GTF3C2: variants seen among roughly 807,000 people sequenced by gnomAD.
GTF3C2 encodes general transcription factor 3C polypeptide 2.
GTF3C2 carries 17 observed loss-of-function variants against 117.4 expected under a neutral mutation model. That is an observed-to-expected ratio of 0.14 (90% CI 0.10 to 0.22). GTF3C2 has a LOEUF of 0.22. Among genes scored for constraint, GTF3C2 ranks in the 10% least tolerant of loss-of-function variants. GTF3C2 has a pLI of 1.00. For synonymous variants in GTF3C2, 437 were observed against 427.0 expected (o/e 1.02, Z -0.29); for missense variants, 888 against 1,143.6 (o/e 0.78, Z 3.22).
chr2:27,339,499 T>G (rs558735927), intron 4 of GTF3C2: 40 of 152,024 alleles, frequency 2.6e-4, no homozygotes, highest in African/African-American at 8.7e-4. Flanking sequence ...GAACGAAATA[T>G]CCATGATTTG....
At chr2:27,347,988 G>T (rs1001952544) in intron 1 of GTF3C2, among the ~76,000 whole-genome samples, 1 of 152,038 alleles carries the variant, frequency 6.6e-6, no homozygotes, top group Non-Finnish European at 1.5e-5. Context: ...TACCAAAACA[G>T]GGCCAGGTGC....
chr2:27,341,866 G>T, intron 4 of GTF3C2, 82 bp downstream of exon 4: 1 of 1,204,900 alleles, frequency 8.3e-7, no homozygotes, highest in Non-Finnish European at 1.2e-6. Context: ...CCAGGTCAAA[G>T]CTGTCCTTCC....
chr2:27,326,638 G>T, exon 19 of GTF3C2: 1 of 1,504,308 alleles, frequency 6.6e-7, no homozygotes, highest in Non-Finnish European at 9.2e-7. Context: ...ATTTGTTCTT[G>T]ACCGACTTCA....
At chr2:27,336,819 A>G in intron 7 of GTF3C2, 1 of 220,308 alleles carries the variant, frequency 4.5e-6, no homozygotes, top group Admixed American at 5.2e-5. Flanking sequence ...TATGTTTCCT[A>G]GGCTGGTCTT....
At chr2:27,336,322 C>T (rs780619173) in exon 8 of GTF3C2, 13 of 1,613,492 alleles carry the variant, frequency 8.1e-6, no homozygotes, top group Non-Finnish European at 8.5e-6. Context: ...TATTGCGAGG[C>T]TCCTGCCCCC....
intron 1 of GTF3C2, among the ~76,000 whole-genome samples, chr2:27,351,872 C>G (rs985208930): frequency 2.0e-5 from 3 of 151,988 alleles, no homozygotes; most frequent in Non-Finnish European, 4.4e-5. Context: ...CAGTCCCACA[C>G]GCCCCCCATC....
At chr2:27,325,881 G>C (rs919663371) in exon 19 of GTF3C2, 2 of 177,308 alleles carry the variant, frequency 1.1e-5, no homozygotes, top group African/African-American at 4.8e-5. Context: ...ATTTAATCTA[G>C]AGAAGATTTG....
chr2:27,337,883 A>G (rs1447709719), intron 5 of GTF3C2, 43 bp downstream of exon 5: 6 of 1,151,944 alleles, frequency 5.2e-6, no homozygotes, highest in Non-Finnish European at 6.6e-6. Context: ...GCACTCCTCT[A>G]CCACCCCTTT....
rs148295674 is a variant in GTF3C2, at chr2:27,342,721, C to T, written c.569+105G>A. 1.2e-5 allele frequency: 10 copies of T among 822,524 alleles called. No individual in the cohort carries two copies. In the South Asian group the frequency reaches 1.5e-4, roughly 12 times the overall value. The allele number at this position is 822,524 out of a possible 1,614,324, so 51.0% of individuals were successfully genotyped here. ...TCAAGTCCCTAGAATCCAGACACCA[C>T]CCCTGCTTACCTAATACCTCATCAG... On this transcript the variant is annotated intron_variant, in intron 3 of 18. Coordinates refer to ENST00000264720, the Ensembl canonical transcript of GTF3C2.
In GTF3C2 at chr2:27,337,564, GA is replaced by G; in HGVS notation, c.951-7del. On this transcript the variant is annotated splice_polypyrimidine_tract_variant and splice_region_variant and intron_variant, in intron 5 of 18. Coordinates refer to ENST00000264720, the Ensembl canonical transcript of GTF3C2. ...ATGAATGTTTCTGCTCTCGGCTGGA[GA>G]AACAGAAGAAGCATTAATGAAGGAG... 6.3e-7 allele frequency: 1 copy of G among 1,587,294 alleles called. No homozygotes were observed. Among genetic ancestry groups the G allele is most frequent in the Non-Finnish European group, 8.7e-7 (1 of 1,155,670 alleles).
intron 12 of GTF3C2, among the ~76,000 whole-genome samples, chr2:27,330,248 A>C (rs1279120822): frequency 2.6e-5 from 4 of 151,944 alleles, no homozygotes; most frequent in African/African-American, 9.7e-5. Flanking sequence ...ACTTGAGGTC[A>C]GGAGTTCAAG....
intron 1 of GTF3C2, among the ~76,000 whole-genome samples, chr2:27,346,511 C>G (rs553026426): frequency 4.6e-5 from 7 of 150,834 alleles, no homozygotes; most frequent in Non-Finnish European, 8.9e-5. Flanking sequence ...ACCACCATGC[C>G]TGACTAATTT....
At chr2:27,332,540 G>A (rs1446716999) in intron 12 of GTF3C2, among the ~76,000 whole-genome samples, 3 of 148,778 alleles carry the variant, frequency 2.0e-5, no homozygotes, top group Non-Finnish European at 3.0e-5. Flanking sequence ...CCAGCCTCCC[G>A]GGTAGCTGGG....
chr2:27,353,000 C>T (rs1681188870), intron 1 of GTF3C2, among the ~76,000 whole-genome samples: 1 of 152,202 alleles, frequency 6.6e-6, no homozygotes, highest in Admixed American at 6.5e-5. Flanking sequence ...AAACTCACCT[C>T]TTTTGTCTTT....
In GTF3C2 at chr2:27,343,049, GTTGGGGCCTT is replaced by G; in HGVS notation, c.336_345del (p.Lys112AsnfsTer15). 1 of 1,613,918 alleles carries G rather than the reference GTTGGGGCCTT, an allele frequency of 6.2e-7. No individual in the cohort carries two copies. The highest frequency in any genetic ancestry group is 8.5e-7 in the Non-Finnish European group (1 of 1,179,778). ...AGTGGGGCTGATGGAGGATTAGGCT[GTTGGGGCCTT>G]TTGGGGCCTTTTCGTGTCCTACCAC... is the stretch of plus-strand genomic sequence containing the variant. On this transcript the variant is annotated frameshift_variant, in exon 3 of 19. Transcript: ENST00000264720. LOFTEE classifies it high-confidence loss of function.
intron 1 of GTF3C2, among the ~76,000 whole-genome samples, chr2:27,354,720 C>T (rs1435109384): frequency 1.3e-5 from 2 of 152,162 alleles, no homozygotes; most frequent in African/African-American, 4.8e-5. Flanking sequence ...GATATCACGC[C>T]ACTGCACTCC....
At chr2:27,348,258 C>A (rs903471626) in intron 1 of GTF3C2, among the ~76,000 whole-genome samples, 1 of 144,560 alleles carries the variant, frequency 6.9e-6, no homozygotes, top group African/African-American at 2.6e-5. Flanking sequence ...CAGAGCAGGA[C>A]TCCGTCTGAG....
chr2:27,327,164 G>A lies in GTF3C2; in HGVS notation c.2517+13C>T, dbSNP rs779967245. ...GGAAATGAGAGTGGAGGGTGGAGAG[G>A]ATGAGAGACTACCTTATGAATAGCC... On this transcript the variant is annotated intron_variant, in intron 18 of 18. Transcript: ENST00000264720. 7.3e-7 allele frequency: 1 copy of A among 1,377,876 alleles called. No homozygotes were observed. Among genetic ancestry groups the A allele is most frequent in the Non-Finnish European group, 1.0e-6 (1 of 967,522 alleles). The allele number at this position is 1,377,876 out of a possible 1,614,324, so 85.4% of individuals were successfully genotyped here. A position where few individuals can be genotyped will look rare whatever the true frequency, so the allele number is the denominator to read the frequency against.
chr2:27,330,812 T>G (rs1216557888), intron 12 of GTF3C2, among the ~76,000 whole-genome samples: 1 of 152,118 alleles, frequency 6.6e-6, no homozygotes, highest in Non-Finnish European at 1.5e-5. Flanking sequence ...AATACAAAAA[T>G]TAGCTGGCCT....
Sources: gnomAD v4.1 joint callset for allele counts (sites outside exome capture counted in the v4.1 genomes callset) on GRCh38, gnomAD v4.1.1 for gene constraint, MANE v1.5 for transcripts, NCBI Gene and HGNC (gene_info 2026-07-23, HGNC 2026-07-21) for gene names.